Variants in MIDEAS observed in about 807,000 individuals in gnomAD.
MIDEAS encodes the protein mitotic deacetylase associated SANT domain protein.
Under a neutral mutation model 102.7 loss-of-function variants are expected in MIDEAS, and 26 were observed. The observed-to-expected ratio is 0.25, with a 90% CI of 0.19 to 0.35. The LOEUF (loss-of-function observed/expected upper bound fraction) is 0.35. Among genes scored for constraint, MIDEAS ranks in the 10% least tolerant of loss-of-function variants. The pLI is 1.00. For missense variants in MIDEAS, 1,231 were observed against 1,435.6 expected, an observed-to-expected ratio of 0.86 and a Z score of 2.30; for synonymous variants, 585 against 591.0, an observed-to-expected ratio of 0.99 and a Z score of 0.15.
At chr14:73,741,836 G>A (rs925644569) in intron 1 of MIDEAS, among the ~76,000 whole-genome samples, 4 of 152,206 alleles carry the variant, frequency 2.6e-5, no homozygotes, top group East Asian at 1.9e-4. Context: ...GACCCTCCTC[G>A]TGTGCAGCCT....
At chr14:73,784,101 T>C (rs1300460474) in intron 1 of MIDEAS, among the ~76,000 whole-genome samples, 2 of 152,244 alleles carry the variant, frequency 1.3e-5, no homozygotes, top group East Asian at 3.8e-4. Flanking sequence ...ACCTCCAATA[T>C]TTTTTCCTCT....
chr14:73,767,507 A>G (rs1408122976), intron 1 of MIDEAS, among the ~76,000 whole-genome samples: 1 of 152,072 alleles, frequency 6.6e-6, no homozygotes, highest in Non-Finnish European at 1.5e-5. Context: ...GTGTGGTGGT[A>G]TGCACTTCTA....
In MIDEAS at chr14:73,729,863, G is replaced by A. The variant is rs2053114395; in HGVS notation, c.1872C>T (p.Tyr624=). The change falls in exon 4 of 13, where the codon TAC becomes TAT. Residue 624 remains tyrosine, a synonymous_variant. Transcript: ENST00000423556. ...GGCTCTGGTATGGGGTGATGTTGGA[G>A]TAGACGGGAGGGGCGATGAAAGTGC... ...KAGTFIAPPV[Y]SNITPYQSHL... The A allele has an allele frequency of 6.2e-7, 1 of 1,613,834 alleles. No homozygotes were observed. Among genetic ancestry groups the A allele is most frequent in the African/African-American group, 1.3e-5 (1 of 74,942 alleles).
In MIDEAS at chr14:73,775,962, T is replaced by C. The variant is rs754901759; in HGVS notation, c.-248+11140A>G. On this transcript the variant is annotated intron_variant, in intron 1 of 11. Transcript: ENST00000394071. Reference sequence around the variant, plus strand: ...GAACATCTCAACCAGGGTGACATCTTTAGAACTGGAGAGATCACCTGGGCA... The same window carrying C: ...GAACATCTCAACCAGGGTGACATCTCTAGAACTGGAGAGATCACCTGGGCA... Among the ~76,000 whole-genome samples the C allele has an allele frequency of 1.1e-4, 17 of 151,926 alleles. 1 individual carries two copies. The highest frequency in any genetic ancestry group is 2.2e-4 in the Non-Finnish European group (15 of 67,922).
At chr14:73,722,554 G>A (rs920279902) in intron 10 of MIDEAS, 144 bp downstream of exon 10, 33 of 905,806 alleles carry the variant, frequency 3.6e-5, no homozygotes, top group Admixed American at 9.9e-5. Context: ...CAGCGGTCCA[G>A]GGCTCCTTGC....
intron 1 of MIDEAS, among the ~76,000 whole-genome samples, chr14:73,755,937 T>C (rs2053474307): frequency 6.6e-6 from 1 of 152,212 alleles, no homozygotes. Flanking sequence ...TGCATAATCC[T>C]GTCTAATCTT....
intron 1 of MIDEAS, among the ~76,000 whole-genome samples, chr14:73,786,438 G>A (rs1048339743): frequency 4.6e-5 from 7 of 152,226 alleles, no homozygotes; most frequent in Non-Finnish European, 1.0e-4. Context: ...TGGGTGTGCT[G>A]ACAGTTTTTA....
At position 73,716,439 on chromosome 14, in the gene MIDEAS, C is replaced by G. The variant is rs1333974297; in HGVS notation, c.*2404G>C. ...CCTGTAATGCCAGCACTTTGGGAGG[C>G]CGAGGCGGGTGGACCACCTGAGGTC... is the stretch of plus-strand genomic sequence containing the variant. On this transcript the variant is annotated 3_prime_UTR_variant, in exon 13 of 13. Coordinates refer to ENST00000423556, the MANE Select transcript of MIDEAS (RefSeq NM_001367710.1). 6.6e-6 allele frequency: 1 copy of G among 151,828 alleles called. No individual in the cohort carries two copies. Among genetic ancestry groups the G allele is most frequent in the Non-Finnish European group, 1.5e-5 (1 of 68,006 alleles). 9.4% of individuals were successfully genotyped at this position (151,828 alleles called of 1,614,324 possible).
In MIDEAS at chr14:73,738,983, G is replaced by A. The variant is rs767459591; in HGVS notation, c.1026C>T (p.Phe342=). Residue 342 remains phenylalanine, a synonymous_variant, in exon 2 of 13, where the codon TTC becomes TTT. Coordinates refer to ENST00000423556, the MANE Select transcript of MIDEAS (RefSeq NM_001367710.1). ...TAGAGAGGCGGCGGGAGCGGCGGGGGAAGGGGATCTGGACCTGAGGTAGCG... is the reference window on the plus strand; with the variant it reads ...TAGAGAGGCGGCGGGAGCGGCGGGGAAAGGGGATCTGGACCTGAGGTAGCG... The part of the protein sequence containing the change: ...QPALPQVQIP[F]PRRSRRLSKE... The A allele has an allele frequency of 1.2e-4, 182 of 1,533,686 alleles. No homozygotes were observed. The highest frequency in any genetic ancestry group is 1.5e-4 in the Non-Finnish European group (174 of 1,141,358).
chr14:73,719,183 G>A (rs1485428117), intron 12 of MIDEAS, 122 bp downstream of exon 12: 2 of 1,495,928 alleles, frequency 1.3e-6, no homozygotes, highest in African/African-American at 2.8e-5. Flanking sequence ...GAAACCCGCT[G>A]AGCCAACCAG....
At chr14:73,783,254 G>A (rs1431917945) in intron 1 of MIDEAS, among the ~76,000 whole-genome samples, 2 of 152,152 alleles carry the variant, frequency 1.3e-5, no homozygotes, top group Non-Finnish European at 2.9e-5. Flanking sequence ...TCCCGGGGGA[G>A]GCCCACAGGG....
In MIDEAS at chr14:73,725,192, T is replaced by C. The variant is rs560517721; in HGVS notation, c.2574+80A>G. The C allele has an allele frequency of 1.1e-4, 114 of 1,069,810 alleles. 1 individual carries two copies. The South Asian group carries it at 1.1e-3, about 11-fold the overall frequency. The allele number at this position is 1,069,810 out of a possible 1,614,324, so 66.3% of individuals were successfully genotyped here. On this transcript the variant is annotated intron_variant, in intron 9 of 12. Coordinates refer to ENST00000423556, the MANE Select transcript of MIDEAS (RefSeq NM_001367710.1). The surrounding 1 kb of genome is among the most constrained non-coding windows in gnomAD (Gnocchi z 4.1). Reference sequence around the variant, plus strand: ...TGACCTGACTGCTTTTTAAGAGGGATTGGTCACTGGCAGAGGGAGCCCCAA... The same window carrying C: ...TGACCTGACTGCTTTTTAAGAGGGACTGGTCACTGGCAGAGGGAGCCCCAA...
Position 73,739,346 on chromosome 14 carries a change from G to A in MIDEAS, c.663C>T (p.Phe221=), listed in dbSNP as rs749437985. 32 of 1,603,014 alleles carry A rather than the reference G, an allele frequency of 2.0e-5. No homozygotes were observed. Among genetic ancestry groups the A allele is most frequent in the Admixed American group, 8.4e-5 (5 of 59,662 alleles). The stretch of plus-strand genomic sequence containing the variant: ...AGACCTGCCGGTTCACCTGGTGGCC[G>A]AATGCCAGCTGGAAGGGTTGCAGGG... ...SLPLQPFQLA[F]GHQVNRQVFR... The change falls in exon 2 of 13, where the codon TTC becomes TTT. Residue 221 remains phenylalanine, a synonymous_variant. Transcript: ENST00000423556.
At chr14:73,721,223 AC>A in intron 11 of MIDEAS, 73 bp downstream of exon 11, 15 of 1,384,676 alleles carry the variant, frequency 1.1e-5, no homozygotes, top group Non-Finnish European at 1.5e-5. Context: ...GTCCTGCTCT[AC>A]CCTCCCTCCC....
chr14:73,786,918 G>T (rs2053816860), intron 1 of MIDEAS, among the ~76,000 whole-genome samples: 3 of 151,408 alleles, frequency 2.0e-5, no homozygotes, highest in African/African-American at 7.3e-5. Flanking sequence ...CGACAACACC[G>T]GCGCAGCCCG....
chr14:73,736,933 C>A, intron 3 of MIDEAS, 65 bp downstream of exon 3: 3 of 1,495,310 alleles, frequency 2.0e-6, no homozygotes, highest in South Asian at 1.2e-5. Flanking sequence ...CTCCTTTCCC[C>A]ATAGGGTCCT....
chr14:73,767,561 C>A (rs1257819379), intron 1 of MIDEAS, among the ~76,000 whole-genome samples: 1 of 151,644 alleles, frequency 6.6e-6, no homozygotes, highest in African/African-American at 2.4e-5. Context: ...TTGCTTGAGC[C>A]CAGGAGTTTG....
chr14:73,729,550 C>G (rs1421191516), intron 4 of MIDEAS, 90 bp downstream of exon 4: 1 of 1,083,062 alleles, frequency 9.2e-7, no homozygotes, highest in African/African-American at 1.6e-5. Context: ...GTGTTCCAGC[C>G]CAATCCCCAG....
chr14:73,719,289 G>T lies in MIDEAS; in HGVS notation c.3134+16C>A. On this transcript the variant is annotated intron_variant, in intron 12 of 12. Coordinates refer to ENST00000423556, the MANE Select transcript of MIDEAS (RefSeq NM_001367710.1). ...GCCCGCGGGGGTCCCAGCGGGGACA[G>T]CGCTGCCCACCTTACCTGCCACATT... 6.9e-7 allele frequency: 1 copy of T among 1,453,988 alleles called. No homozygotes were observed. Among genetic ancestry groups the T allele is most frequent in the South Asian group, 1.1e-5 (1 of 88,964 alleles). The allele number at this position is 1,453,988 out of a possible 1,614,324, so 90.1% of individuals were successfully genotyped here. A position where few individuals can be genotyped will look rare whatever the true frequency, so the allele number is the denominator to read the frequency against.
Sources: gnomAD v4.1 joint callset for allele counts (sites outside exome capture counted in the v4.1 genomes callset) on GRCh38, gnomAD v4.1.1 for gene constraint, Gnocchi (gnomAD v3.1) non-coding constraint, MANE v1.5 for transcripts, NCBI Gene and HGNC (gene_info 2026-07-23, HGNC 2026-07-21) for gene names.